LZTR1: variants seen among roughly 807,000 people sequenced by gnomAD.
LZTR1 encodes leucine-zipper-like transcriptional regulator 1.
Under a neutral mutation model 105.7 loss-of-function variants are expected in LZTR1, and 260 were observed. The ratio of observed to expected loss-of-function variants is 2.46; its 90% CI spans 2.22 to 2.72. LZTR1 has a LOEUF of 2.72. LZTR1 is among the 30% of genes most tolerant of loss of function. The pLI, the probability that LZTR1 is intolerant of heterozygous loss-of-function variation, is 0.00. For missense variants in LZTR1, 1,214 were observed against 1,166.9 expected, an observed-to-expected ratio of 1.04 and a Z score of -0.59; for synonymous variants, 490 against 476.4, an observed-to-expected ratio of 1.03 and a Z score of -0.37.
chr22:20,996,864 C>G, intron 19 of LZTR1, 22 bp from the exon 20 acceptor site: 2 of 1,612,500 alleles, frequency 1.2e-6, no homozygotes, highest in Middle Eastern at 1.7e-4. Context: ...GGGGCAGCGC[C>G]TCAAGGTCCC....
chr22:20,992,999 C>T (rs1924662371), intron 11 of LZTR1, 95 bp downstream of exon 11: 1 of 841,094 alleles, frequency 1.2e-6, no homozygotes, highest in East Asian at 2.7e-5. Flanking sequence ...TTATCCAGGC[C>T]ATTGCCAGGG....
intron 4 of LZTR1, among the ~76,000 whole-genome samples, 185 bp from the exon 5 acceptor site, chr22:20,987,825 C>T (rs1280322534): frequency 1.3e-5 from 2 of 152,228 alleles, no homozygotes; most frequent in Non-Finnish European, 2.9e-5. Flanking sequence ...GGAACAGTGT[C>T]CTGCTCATCT....
chr22:20,987,099 A>G (rs1191045238), intron 3 of LZTR1: 1 of 157,162 alleles, frequency 6.4e-6, no homozygotes, highest in African/African-American at 2.4e-5. Context: ...TTCAAAATAC[A>G]AAAGTGAAAC....
intron 18 of LZTR1, 111 bp downstream of exon 18, chr22:20,996,223 C>A: frequency 1.6e-6 from 2 of 1,224,276 alleles, no homozygotes; most frequent in Non-Finnish European, 2.3e-6. Flanking sequence ...CTGGGCCCAG[C>A]GCCTCCCTCC....
Position 20,997,267 on chromosome 22 carries a change from G to A in LZTR1, c.2442G>A (p.Gln814=), listed in dbSNP as rs1924898031. Residue 814 remains glutamine (Q), a synonymous_variant, in exon 21 of 21, where the codon CAG becomes CAA. Coordinates refer to ENST00000646124, the MANE Select transcript of LZTR1 (RefSeq NM_006767.4). The part of the protein sequence containing the change: ...SKLPTLRSLS[Q]QLLLDIIDSL... ...TGCCCACCCTGCGGTCGCTGAGCCA[G>A]CAGCTGCTGCTGGACATCATAGACT... The A allele has an allele frequency of 6.2e-7, 1 of 1,613,894 alleles. No individual in the cohort carries two copies. Among genetic ancestry groups the A allele is most frequent in the Non-Finnish European group, 8.5e-7 (1 of 1,179,956 alleles).
chr22:20,995,297 G>C, intron 16 of LZTR1: 1 of 666,342 alleles, frequency 1.5e-6, no homozygotes, highest in East Asian at 3.1e-5. Context: ...TTTCGGGCTA[G>C]GATGTCAGGT....
At chr22:20,987,752 C>G (rs931724073) in intron 4 of LZTR1, among the ~76,000 whole-genome samples, 169 bp downstream of exon 4, 1 of 152,254 alleles carries the variant, frequency 6.6e-6, no homozygotes, top group Non-Finnish European at 1.5e-5. Context: ...TCTGGGACCC[C>G]TTGCCCTAAC....
At chr22:20,985,817 C>A (rs1233039171) in intron 2 of LZTR1, 24 bp from the exon 3 acceptor site, 2 of 1,613,384 alleles carry the variant, frequency 1.2e-6, no homozygotes, top group Admixed American at 3.3e-5. Context: ...GCTAATGCCA[C>A]CCTCTCTTCC....
rs1339837843 is a variant in LZTR1, at chr22:20,993,737, G to T, written c.1336G>T (p.Glu446Ter). The T allele has an allele frequency of 6.2e-7, 1 of 1,613,256 alleles. No individual in the cohort carries two copies. The highest frequency in any genetic ancestry group is 8.5e-7 in the Non-Finnish European group (1 of 1,179,862). The change falls in exon 12 of 21, where the codon GAG becomes TAG. Residue 446 changes from glutamate to a stop codon, truncating the protein, a stop_gained. Coordinates refer to ENST00000646124, the MANE Select transcript of LZTR1 (RefSeq NM_006767.4). LOFTEE classifies it high-confidence loss of function. Reference protein sequence around the residue: ...LWESRQFCDVEFVLGEKEECV... With the variant: ...LWESRQFCDV ...GGAGAGCCGCCAGTTCTGCGACGTG[G>T]AGTTCGTGCTGGGTGAGGTGGGTGC...
In LZTR1 at chr22:20,991,759, C is replaced by T. The variant is rs764464803; in HGVS notation, c.923C>T (p.Pro308Leu). 1 of 1,560,706 alleles carries T rather than the reference C, an allele frequency of 6.4e-7. No individual in the cohort carries two copies. Among genetic ancestry groups the T allele is most frequent in the Non-Finnish European group, 8.7e-7 (1 of 1,152,190 alleles). The change falls in exon 9 of 21, where the codon CCC becomes CTC. Residue 308 changes from proline to leucine, a missense_variant. Pro to Leu is a moderately conservative substitution (Grantham distance 98). Transcript: ENST00000646124. ...VFGGAADNTL[P>L]NELHCYDVDF... ...GGGGGTGCGGCCGACAACACGCTGC[C>T]CAACGAGCTGCACTGCTATGACGTG...
chr22:20,992,678 T>G (rs1241098209), intron 10 of LZTR1, 116 bp from the exon 11 acceptor site: 7 of 713,624 alleles, frequency 9.8e-6, no homozygotes, highest in Admixed American at 2.5e-5. Context: ...TTGGGGACCC[T>G]GCCCCCTGGC....
Position 20,987,836 on chromosome 22 carries a change from C to T in LZTR1, c.401-174C>T, listed in dbSNP as rs573546769. Among the ~76,000 whole-genome samples the T allele has an allele frequency of 2.6e-5, 4 of 152,362 alleles. No homozygotes were observed. The East Asian group carries it at 7.7e-4, about 29-fold the overall frequency. Reference sequence around the variant, plus strand: ...GCTGGGAACAGTGTCCTGCTCATCTCTGTGTCCCCAGAGCCCAGCACAGAG... The same window carrying T: ...GCTGGGAACAGTGTCCTGCTCATCTTTGTGTCCCCAGAGCCCAGCACAGAG... On this transcript the variant is annotated intron_variant, in intron 4 of 20. Coordinates refer to ENST00000646124, the MANE Select transcript of LZTR1 (RefSeq NM_006767.4).
At chr22:20,982,968 T>G in intron 1 of LZTR1, 59 bp from the exon 2 acceptor site, 1 of 1,476,976 alleles carries the variant, frequency 6.8e-7, no homozygotes, top group Non-Finnish European at 9.5e-7. Context: ...TTAGTCCCAT[T>G]CCTTGGGTGC....
At chr22:20,996,323 G>C in intron 18 of LZTR1, 2 of 615,128 alleles carry the variant, frequency 3.3e-6, no homozygotes, top group Non-Finnish European at 5.7e-6. Context: ...GGAGGAACCA[G>C]TGGGTTCCTG....
In LZTR1 at chr22:20,982,504, T is replaced by C; in HGVS notation, c.133T>C (p.Phe45Leu). ...SDSVEYLTLN[F>L]GPFETVHRWR... ...CAGTGTCGAGTACCTGACGCTCAAC[T>C]TCGGGCCCTTCGAAACAGTGCATCG... Residue 45 changes from phenylalanine to leucine, a missense_variant, in exon 1 of 21, where the codon TTC becomes CTC. Physicochemically the swap from Phe to Leu is conservative, Grantham distance 22. Transcript: ENST00000646124. 1 of 1,613,024 alleles carries C rather than the reference T, an allele frequency of 6.2e-7. No individual in the cohort carries two copies. Among genetic ancestry groups the C allele is most frequent in the Non-Finnish European group, 8.5e-7 (1 of 1,179,702 alleles).
In LZTR1 at chr22:20,990,411, C is replaced by G; in HGVS notation, c.677C>G (p.Pro226Arg). The change falls in exon 8 of 21, where the codon CCA (proline) becomes CGA (arginine). Residue 226 changes from proline (P) to arginine (R), a missense_variant. Physicochemically the swap from Pro to Arg is moderately radical, Grantham distance 103 (BLOSUM62 -2). Coordinates refer to ENST00000646124, the MANE Select transcript of LZTR1 (RefSeq NM_006767.4). ...EEVAQSGEIPPSCCNFPVAVC... is the reference protein window; with the variant it reads ...EEVAQSGEIPRSCCNFPVAVC... ...GTGGCCCAGAGTGGCGAGATCCCCC[C>G]ATCTTGCTGCAACTTCCCCGTGGCT... is the stretch of plus-strand genomic sequence containing the variant. The G allele has an allele frequency of 6.2e-7, 1 of 1,614,132 alleles. No individual in the cohort carries two copies. Among genetic ancestry groups the G allele is most frequent in the Non-Finnish European group, 8.5e-7 (1 of 1,180,032 alleles).
intron 8 of LZTR1, 30 bp downstream of exon 8, chr22:20,990,555 A>G (rs780403258): frequency 2.5e-6 from 4 of 1,582,434 alleles, no homozygotes; most frequent in Admixed American, 1.8e-5. Context: ...GGGTGGAGGG[A>G]GGACGGTCAG....
intron 2 of LZTR1, among the ~76,000 whole-genome samples, chr22:20,984,046 C>T (rs1275170773): frequency 6.6e-6 from 1 of 152,182 alleles, no homozygotes; most frequent in Non-Finnish European, 1.5e-5. Context: ...CAAGTGCCCC[C>T]CTGCTCAGGC....
intron 7 of LZTR1, 138 bp downstream of exon 7, chr22:20,989,820 G>C: frequency 1.1e-6 from 1 of 928,730 alleles, no homozygotes; most frequent in South Asian, 1.5e-5. Context: ...AGCCAGGCTG[G>C]GGGTCGAGGC....
Sources: allele counts gnomAD v4.1 joint callset (sites outside exome capture counted in the v4.1 genomes callset), GRCh38; gene constraint gnomAD v4.1.1; transcripts MANE v1.5; gene names NCBI Gene and HGNC (gene_info 2026-07-23, HGNC 2026-07-21).